The following BBS9 variants were observed in gnomAD, a reference collection of about 807,000 sequenced individuals.
BBS9 encodes protein PTHB1.
BBS9 carries 89 observed loss-of-function variants against 117.7 expected under a neutral mutation model. That is an observed-to-expected ratio of 0.76 (90% CI 0.64 to 0.90). BBS9 has a LOEUF of 0.90. Ranked by LOEUF, BBS9 falls within the 40% of genes least tolerant of loss-of-function variation. BBS9 has a pLI of 0.00. For synonymous variants in BBS9, 379 were observed against 370.9 expected (o/e 1.02, Z -0.25); for missense variants, 982 against 1,042.2 (o/e 0.94, Z 0.80).
chr7:33,254,881 G>A (rs1362318947), intron 5 of BBS9, among the ~76,000 whole-genome samples: 1 of 152,040 alleles, frequency 6.6e-6, no homozygotes, highest in Non-Finnish European at 1.5e-5. Flanking sequence ...TCTCATTGTG[G>A]TTTTGATTTA....
At chr7:33,477,513 AT>A (rs900789004) in intron 19 of BBS9, among the ~76,000 whole-genome samples, 12 of 152,184 alleles carry the variant, frequency 7.9e-5, no homozygotes, top group East Asian at 1.9e-4. Context: ...AGAGGTTATT[AT>A]TTTTTTTAAA....
At chr7:33,480,171 G>C (rs990360373) in intron 19 of BBS9, among the ~76,000 whole-genome samples, 10 of 152,110 alleles carry the variant, frequency 6.6e-5, no homozygotes, top group African/African-American at 2.2e-4. Flanking sequence ...AGAGATATGA[G>C]GAACAGTTGT....
chr7:33,273,771 T>C (rs2128347038), intron 8 of BBS9, 56 bp from the exon 9 acceptor site: 7 of 1,536,536 alleles, frequency 4.6e-6, no homozygotes, highest in South Asian at 1.1e-5. Context: ...AAAAGAGATA[T>C]ACTTTTCCAA....
At chr7:33,234,864 A>G (rs1462685608) in intron 5 of BBS9, among the ~76,000 whole-genome samples, 1 of 152,236 alleles carries the variant, frequency 6.6e-6, no homozygotes, top group African/African-American at 2.4e-5. Flanking sequence ...TTCTTGGGAA[A>G]TACTGATTTT....
intron 5 of BBS9, among the ~76,000 whole-genome samples, chr7:33,246,697 G>A (rs1430630524): frequency 6.6e-6 from 1 of 151,922 alleles, no homozygotes; most frequent in East Asian, 1.9e-4. Flanking sequence ...AAGTACACGG[G>A]TTCTTCTGTA....
intron 5 of BBS9, among the ~76,000 whole-genome samples, chr7:33,247,289 T>C (rs1321576401): frequency 1.3e-5 from 2 of 152,202 alleles, no homozygotes; most frequent in African/African-American, 4.8e-5. Context: ...CTTATTGCAG[T>C]ATCATGTAAT....
intron 5 of BBS9, among the ~76,000 whole-genome samples, chr7:33,228,289 T>C (rs1791680996): frequency 6.6e-6 from 1 of 152,186 alleles, no homozygotes. Context: ...TTGAGAATTG[T>C]CTATTCATGT....
intron 13 of BBS9, among the ~76,000 whole-genome samples, chr7:33,349,868 C>T (rs1012104854): frequency 2.0e-5 from 3 of 152,178 alleles, no homozygotes; most frequent in Non-Finnish European, 4.4e-5. Flanking sequence ...CTAACACTCA[C>T]TTGATGTGTA....
intron 4 of BBS9, among the ~76,000 whole-genome samples, chr7:33,165,097 TGGCTGGA>T (rs1366977999): frequency 2.0e-5 from 3 of 152,194 alleles, no homozygotes; most frequent in African/African-American, 4.8e-5. Flanking sequence ...AAGCTTAGTT[TGGCTGGA>T]TATGAGATTC....
chr7:33,358,391 AC>A (rs977034841), intron 16 of BBS9, among the ~76,000 whole-genome samples: 4 of 151,766 alleles, frequency 2.6e-5, no homozygotes. Flanking sequence ...TTGTATGTGT[AC>A]CTTTTAAAGT....
chr7:33,555,287 C>T (rs939701111), intron 21 of BBS9, among the ~76,000 whole-genome samples: 2 of 152,084 alleles, frequency 1.3e-5, no homozygotes, highest in African/African-American at 4.8e-5. Context: ...TTGTCTTCTC[C>T]CACTCTTCTT....
chr7:33,242,823 A>T, intron 5 of BBS9: 1 of 364,660 alleles, frequency 2.7e-6, no homozygotes, highest in South Asian at 2.6e-5. Context: ...ATTTGGAATC[A>T]GAAAGGAATT....
intron 5 of BBS9, among the ~76,000 whole-genome samples, chr7:33,193,811 G>A (rs985002581): frequency 6.6e-6 from 1 of 152,114 alleles, no homozygotes; most frequent in East Asian, 1.9e-4. Flanking sequence ...ATCTTGGAAG[G>A]CTGAGAGATA....
chr7:33,476,911 A>T (rs73317065), intron 19 of BBS9, among the ~76,000 whole-genome samples: 2 of 152,138 alleles, frequency 1.3e-5, no homozygotes, highest in African/African-American at 2.4e-5. Flanking sequence ...TTGATATCAG[A>T]TATCTTGTTA....
intron 17 of BBS9, among the ~76,000 whole-genome samples, chr7:33,368,704 A>G (rs1267329946): frequency 6.6e-6 from 1 of 151,982 alleles, no homozygotes; most frequent in African/African-American, 2.4e-5. Flanking sequence ...CTTTCTACCC[A>G]TGCATTTGCA....
Position 33,411,722 on chromosome 7 carries a change from A to C in BBS9, c.2115+23578A>C, listed in dbSNP as rs1211408944. On this transcript the variant is annotated intron_variant, in intron 19 of 22. Transcript: ENST00000242067. ...AGAATATTTGGGGATACTAGGGAAAAAACCTCTTAGAATGAATATTATTTG... is the reference window on the plus strand; with the variant it reads ...AGAATATTTGGGGATACTAGGGAAACAACCTCTTAGAATGAATATTATTTG... Among the ~76,000 whole-genome samples, 3 of 152,252 alleles carry C rather than the reference A, an allele frequency of 2.0e-5. No homozygotes were observed. The East Asian group carries it at 5.8e-4, about 29-fold the overall frequency.
intron 19 of BBS9, among the ~76,000 whole-genome samples, chr7:33,403,734 G>C (rs1829384576): frequency 1.3e-5 from 2 of 151,992 alleles, no homozygotes; most frequent in South Asian, 4.2e-4. Flanking sequence ...ATTTGGGTTA[G>C]TTCCAAGTCT....
chr7:33,574,162 A>T (rs957750707), intron 21 of BBS9, among the ~76,000 whole-genome samples: 3 of 152,146 alleles, frequency 2.0e-5, no homozygotes, highest in African/African-American at 4.8e-5. Context: ...TTCCTTTTAC[A>T]AACATCAGAC....
intron 9 of BBS9, among the ~76,000 whole-genome samples, chr7:33,275,757 C>A (rs1296051373): frequency 6.6e-6 from 1 of 152,036 alleles, no homozygotes; most frequent in Non-Finnish European, 1.5e-5. Flanking sequence ...AGGGATGTAC[C>A]CATTTCAGGA....
Sources: gnomAD v4.1 joint callset for allele counts (sites outside exome capture counted in the v4.1 genomes callset) on GRCh38, gnomAD v4.1.1 for gene constraint, MANE v1.5 for transcripts, NCBI Gene and HGNC (gene_info 2026-07-23, HGNC 2026-07-21) for gene names.